Variants in CTNNA2 observed in about 807,000 individuals in gnomAD.
CTNNA2 encodes catenin alpha 2.
A neutral mutation model predicts 101.0 loss-of-function variants in CTNNA2; 42 were observed. That is an observed-to-expected ratio of 0.42 (90% CI 0.32 to 0.54). The LOEUF is 0.54. CTNNA2 is among the 20% of genes least tolerant of loss of function. The pLI, the probability that CTNNA2 is intolerant of heterozygous loss-of-function variation, is 0.14. For synonymous variants in CTNNA2, 450 were observed against 456.4 expected, an observed-to-expected ratio of 0.99 and a Z score of 0.18; for missense variants, 871 against 1,223.1, an observed-to-expected ratio of 0.71 and a Z score of 4.29.
intron 7 of CTNNA2, among the ~76,000 whole-genome samples, chr2:80,103,286 C>G (rs1019255878): frequency 2.0e-5 from 3 of 152,084 alleles, no homozygotes; most frequent in African/African-American, 4.8e-5. Context: ...TTTCAAACAG[C>G]CATTTTCTTG....
intron 9 of CTNNA2, among the ~76,000 whole-genome samples, chr2:80,474,968 A>G (rs1211651503): frequency 6.6e-6 from 1 of 152,132 alleles, no homozygotes; most frequent in African/African-American, 2.4e-5. Context: ...AAGACCAAAA[A>G]AATTATCTCA....
chr2:79,545,153 A>G (rs368378419), intron 1 of CTNNA2, among the ~76,000 whole-genome samples: 2 of 152,168 alleles, frequency 1.3e-5, no homozygotes, highest in South Asian at 4.1e-4. Flanking sequence ...CAACTCCTGA[A>G]TTGGACATAG....
intron 4 of CTNNA2, among the ~76,000 whole-genome samples, chr2:79,474,246 C>G (rs1239791424): frequency 1.3e-5 from 2 of 152,030 alleles, no homozygotes; most frequent in African/African-American, 2.4e-5. Context: ...TGGAAACAAC[C>G]CAAATGTCCC....
chr2:79,461,270 T>C (rs921181522), intron 4 of CTNNA2, among the ~76,000 whole-genome samples: 4 of 152,244 alleles, frequency 2.6e-5, no homozygotes, highest in African/African-American at 9.6e-5. Context: ...ATGTGCTTGT[T>C]CTAAACTCCA....
chr2:79,831,682 T>A (rs918368248), intron 3 of CTNNA2, among the ~76,000 whole-genome samples: 10 of 151,954 alleles, frequency 6.6e-5, no homozygotes, highest in African/African-American at 1.9e-4. Context: ...CATTTCCAAT[T>A]CCCGCTGTCA....
At chr2:79,438,971 G>A (rs185487830) in intron 4 of CTNNA2, among the ~76,000 whole-genome samples, 1 of 152,172 alleles carries the variant, frequency 6.6e-6, no homozygotes, top group Non-Finnish European at 1.5e-5. Flanking sequence ...GTTGCTAGTG[G>A]GATTGTTAAC....
chr2:79,338,220 T>C (rs2104425089), intron 3 of CTNNA2, among the ~76,000 whole-genome samples: 1 of 119,092 alleles, frequency 8.4e-6, no homozygotes, highest in South Asian at 2.8e-4. Context: ...CACTCCAGCC[T>C]GGGTGACAGA....
chr2:80,069,181 ACCTTTATGTTCTGTATGGAC>A (rs748362809), intron 7 of CTNNA2, among the ~76,000 whole-genome samples: 5 of 151,998 alleles, frequency 3.3e-5, no homozygotes, highest in Non-Finnish European at 7.4e-5. Flanking sequence ...CCCTTTTTCC[ACCTTTATGTTCTGTATGGAC>A]CCTCAGCATA....
chr2:80,546,998 C>T (rs1692133641), intron 11 of CTNNA2, among the ~76,000 whole-genome samples: 1 of 152,182 alleles, frequency 6.6e-6, no homozygotes, highest in Admixed American at 6.5e-5. Flanking sequence ...TCTTGGCTGA[C>T]TGAGGGCTGA....
At chr2:80,636,526 T>A (rs1487910021) in intron 18 of CTNNA2, among the ~76,000 whole-genome samples, 1 of 151,942 alleles carries the variant, frequency 6.6e-6, no homozygotes, top group Non-Finnish European at 1.5e-5. Flanking sequence ...TCAGCTGGGG[T>A]CTAACAGTGT....
chr2:79,983,358 A>G (rs1239846338), intron 7 of CTNNA2, among the ~76,000 whole-genome samples: 3 of 152,064 alleles, frequency 2.0e-5, no homozygotes, highest in Non-Finnish European at 4.4e-5. Flanking sequence ...GGAGACACAC[A>G]ATAAATACAT....
chr2:80,587,879 C>T lies in CTNNA2; in HGVS notation c.2008-1425C>T, dbSNP rs559450560. ...CATACAGTTTTGGGAGGATGTGATA[C>T]GGTGATGACAGACATTTCATTCGGG... On this transcript the variant is annotated intron_variant, in intron 14 of 18. Transcript: ENST00000402739. 2.9e-4 allele frequency among the ~76,000 whole-genome samples: 44 copies of T among 152,200 alleles called. 1 individual carries two copies. Among genetic ancestry groups the T allele is most frequent in the Middle Eastern group, 3.4e-3 (1 of 294 alleles).
intron 3 of CTNNA2, among the ~76,000 whole-genome samples, chr2:79,825,456 G>T (rs1558555975): frequency 6.6e-6 from 1 of 151,558 alleles, no homozygotes; most frequent in Non-Finnish European, 1.5e-5. Context: ...AAATATGGAG[G>T]TTGCGAGGGG....
At chr2:79,710,204 A>T (rs186120175) in intron 2 of CTNNA2, among the ~76,000 whole-genome samples, 3 of 147,884 alleles carry the variant, frequency 2.0e-5, no homozygotes, top group South Asian at 2.1e-4. Flanking sequence ...AACCATTATT[A>T]AAAAAAAAAA....
intron 2 of CTNNA2, among the ~76,000 whole-genome samples, chr2:79,664,438 A>G (rs1558815915): frequency 6.6e-6 from 1 of 152,180 alleles, no homozygotes; most frequent in African/African-American, 2.4e-5. Context: ...GACAATATAT[A>G]TTCATTATCA....
At chr2:79,978,602 C>G (rs1016595992) in intron 7 of CTNNA2, among the ~76,000 whole-genome samples, 3 of 152,020 alleles carry the variant, frequency 2.0e-5, no homozygotes, top group African/African-American at 7.2e-5. Flanking sequence ...AGTCTAGAAG[C>G]CTTAAGTAGG....
At chr2:79,324,392 G>A (rs1376556908) in intron 3 of CTNNA2, among the ~76,000 whole-genome samples, 1 of 152,092 alleles carries the variant, frequency 6.6e-6, no homozygotes, top group Non-Finnish European at 1.5e-5. Flanking sequence ...CAGGGCATGG[G>A]GGCTGAGGCA....
intron 7 of CTNNA2, among the ~76,000 whole-genome samples, chr2:80,134,691 A>G (rs1290790624): frequency 1.3e-5 from 2 of 151,384 alleles, no homozygotes; most frequent in Admixed American, 1.3e-4. Context: ...AAAAGCCACC[A>G]CCCCTGTTCT....
chr2:79,242,806 A>G (rs1200870384), intron 2 of CTNNA2, among the ~76,000 whole-genome samples: 1 of 151,838 alleles, frequency 6.6e-6, no homozygotes, highest in Non-Finnish European at 1.5e-5. Flanking sequence ...CATCTCTACA[A>G]AAAGTAAAAG....
Sources: gnomAD v4.1 joint callset for allele counts (sites outside exome capture counted in the v4.1 genomes callset) on GRCh38, gnomAD v4.1.1 for gene constraint, MANE v1.5 for transcripts, NCBI Gene and HGNC (gene_info 2026-07-23, HGNC 2026-07-21) for gene names.